CACHD1: variants seen among roughly 807,000 people sequenced by gnomAD.
CACHD1 encodes VWFA and cache domain-containing protein 1.
CACHD1 carries 71 observed loss-of-function variants against 138.7 expected under a neutral mutation model. That is an observed-to-expected ratio of 0.51 (90% CI 0.42 to 0.62). The LOEUF (loss-of-function observed/expected upper bound fraction) is 0.62, where lower values mean the gene tolerates loss of function less well. Ranked by LOEUF, CACHD1 falls within the 20% of genes least tolerant of loss-of-function variation. CACHD1 has a pLI of 0.00. For synonymous variants in CACHD1, 578 were observed against 591.5 expected, an observed-to-expected ratio of 0.98 and a Z score of 0.33; for missense variants, 1,389 against 1,625.3, an observed-to-expected ratio of 0.85 and a Z score of 2.50.
At position 64,597,085 on chromosome 1, in the gene CACHD1, G is replaced by T. The variant is rs1046600205; in HGVS notation, c.411-5721G>T. Among the ~76,000 whole-genome samples, 7 of 152,068 alleles carry T rather than the reference G, an allele frequency of 4.6e-5. No individual in the cohort carries two copies. In the South Asian group the frequency reaches 6.2e-4, roughly 14 times the overall value. ...AGTAAACCCCAACTGGTGTGTGAGT[G>T]GGGGGGTGCTGGAGGGGAGGCGGGG... is the stretch of plus-strand genomic sequence containing the variant. On this transcript the variant is annotated intron_variant, in intron 3 of 26. Coordinates refer to ENST00000651257, the MANE Select transcript of CACHD1 (RefSeq NM_020925.4).
At chr1:64,653,043 A>G (rs1204828187) in intron 10 of CACHD1, among the ~76,000 whole-genome samples, 4 of 152,210 alleles carry the variant, frequency 2.6e-5, no homozygotes, top group Admixed American at 2.6e-4. Context: ...TACATATGGA[A>G]TACTATGCAG....
At chr1:64,541,410 T>C (rs1041402145) in intron 1 of CACHD1, among the ~76,000 whole-genome samples, 1 of 152,224 alleles carries the variant, frequency 6.6e-6, no homozygotes, top group African/African-American at 2.4e-5. Context: ...TTATATATTT[T>C]CAAATGTTTT....
At chr1:64,512,468 C>T (rs1166984029) in intron 1 of CACHD1, among the ~76,000 whole-genome samples, 1 of 149,758 alleles carries the variant, frequency 6.7e-6, no homozygotes, top group Non-Finnish European at 1.5e-5. Flanking sequence ...TTCTGCTCTT[C>T]CCCTTTTAAC....
chr1:64,628,313 A>G (rs1648183902), intron 4 of CACHD1, among the ~76,000 whole-genome samples: 1 of 152,082 alleles, frequency 6.6e-6, no homozygotes, highest in Admixed American at 6.5e-5. Context: ...TTCCATTTCC[A>G]TCTGTATAAG....
chr1:64,583,175 A>C (rs1373785709), intron 3 of CACHD1, among the ~76,000 whole-genome samples: 1 of 152,286 alleles, frequency 6.6e-6, no homozygotes, highest in East Asian at 1.9e-4. Context: ...TCCATAAGCA[A>C]GTTTTTACTT....
Position 64,470,873 on chromosome 1 carries a change from C to T in CACHD1, c.129C>T (p.Asp43=), listed in dbSNP as rs780183706. Reference sequence around the variant, plus strand: ...CCGAAGCCGACTTCTCCATCCTGGACGAGGCGCAAGTGCTGGCGAGCCAGA... The same window carrying T: ...CCGAAGCCGACTTCTCCATCCTGGATGAGGCGCAAGTGCTGGCGAGCCAGA... The part of the protein sequence containing the change: ...AGAEADFSIL[D]EAQVLASQMR... The change falls in exon 1 of 27, where the codon GAC becomes GAT. Residue 43 remains aspartate, a synonymous_variant. Coordinates refer to ENST00000651257, the MANE Select transcript of CACHD1 (RefSeq NM_020925.4). This position sits in a 1 kb window ranked among gnomAD's most constrained non-coding sequence, Gnocchi z 5.2. 16 of 1,605,386 alleles carry T rather than the reference C, an allele frequency of 1.0e-5. No individual in the cohort carries two copies. The highest frequency in any genetic ancestry group is 4.2e-6 in the Non-Finnish European group (5 of 1,178,150).
chr1:64,557,757 C>T (rs1055254463), intron 2 of CACHD1, among the ~76,000 whole-genome samples: 5 of 151,698 alleles, frequency 3.3e-5, no homozygotes, highest in African/African-American at 1.2e-4. Context: ...TCCAGTTCTG[C>T]CATTTTCTTT....
intron 4 of CACHD1, among the ~76,000 whole-genome samples, chr1:64,616,275 C>T (rs1236249959): frequency 6.6e-6 from 1 of 152,142 alleles, no homozygotes; most frequent in East Asian, 1.9e-4. Context: ...CTGGCTCTCC[C>T]TCGTGAAGAG....
At chr1:64,546,231 A>T (rs1305853739) in intron 1 of CACHD1, among the ~76,000 whole-genome samples, 1 of 152,174 alleles carries the variant, frequency 6.6e-6, no homozygotes, top group Non-Finnish European at 1.5e-5. Flanking sequence ...CAGAATGCTC[A>T]CCCTGCCTAC....
chr1:64,541,093 A>G lies in CACHD1; in HGVS notation c.199-9501A>G, dbSNP rs555922264. On this transcript the variant is annotated intron_variant, in intron 1 of 26. Coordinates refer to ENST00000651257, the MANE Select transcript of CACHD1 (RefSeq NM_020925.4). ...GGAAAGACTTGTTAATTGTTGAGAG[A>G]AGGGGAACATTTTTTAGCCTAGGGA... 1.1e-4 allele frequency among the ~76,000 whole-genome samples: 16 copies of G among 152,330 alleles called. No individual in the cohort carries two copies. In the South Asian group the frequency reaches 3.3e-3, roughly 32 times the overall value.
At chr1:64,488,110 A>T (rs575163296) in intron 1 of CACHD1, among the ~76,000 whole-genome samples, 4 of 152,246 alleles carry the variant, frequency 2.6e-5, no homozygotes, top group Admixed American at 2.6e-4. Context: ...GTACTTTTGG[A>T]TGTGGTTTTT....
intron 8 of CACHD1, 66 bp from the exon 9 acceptor site, chr1:64,647,734 TG>T (rs1648955731): frequency 7.3e-7 from 1 of 1,365,988 alleles, no homozygotes; most frequent in Admixed American, 1.8e-5. Context: ...TTGATCTAAA[TG>T]GCAAGAGGTT....
At chr1:64,660,530 T>A (rs900935622) in intron 13 of CACHD1, among the ~76,000 whole-genome samples, 2 of 152,106 alleles carry the variant, frequency 1.3e-5, no homozygotes, top group Non-Finnish European at 1.5e-5. Flanking sequence ...CTTTTTTTTT[T>A]TTATTTATTT....
At position 64,550,638 on chromosome 1, in the gene CACHD1, A is replaced by G; in HGVS notation, c.243A>G (p.Gly81=). ...SFVYTEKISN[G]ESEVQQLAKK... ...TTTACACTGAGAAAATCTCAAATGGAGAAAGTGAAGTACAGCAGGTAAGAG... is the reference window on the plus strand; with the variant it reads ...TTTACACTGAGAAAATCTCAAATGGGGAAAGTGAAGTACAGCAGGTAAGAG... Residue 81 remains glycine, a synonymous_variant, in exon 2 of 27, where the codon GGA becomes GGG. Transcript: ENST00000651257. The G allele has an allele frequency of 6.2e-7, 1 of 1,610,944 alleles. No homozygotes were observed. The highest frequency in any genetic ancestry group is 8.5e-7 in the Non-Finnish European group (1 of 1,177,216).
At chr1:64,595,596 C>T (rs1376589881) in intron 3 of CACHD1, among the ~76,000 whole-genome samples, 2 of 152,078 alleles carry the variant, frequency 1.3e-5, no homozygotes, top group Non-Finnish European at 2.9e-5. Flanking sequence ...CTTCATGTGC[C>T]CCAGTCCAAC....
chr1:64,620,440 G>A (rs779532045), intron 4 of CACHD1, among the ~76,000 whole-genome samples: 24 of 152,132 alleles, frequency 1.6e-4, no homozygotes, highest in Non-Finnish European at 3.4e-4. Context: ...CCCCTCCTAA[G>A]GGGTTCACAG....
At chr1:64,669,693 T>A (rs1012432857) in intron 16 of CACHD1, among the ~76,000 whole-genome samples, 2 of 150,448 alleles carry the variant, frequency 1.3e-5, no homozygotes, top group Admixed American at 1.3e-4. Context: ...TTGGTGTGAT[T>A]TTTTTTTTTC....
At chr1:64,581,124 C>T (rs957466453) in intron 2 of CACHD1, among the ~76,000 whole-genome samples, 2 of 152,100 alleles carry the variant, frequency 1.3e-5, no homozygotes, top group African/African-American at 4.8e-5. Flanking sequence ...GGCTGAGAAC[C>T]TCAGTTATTT....
intron 10 of CACHD1, 75 bp from the exon 11 acceptor site, chr1:64,653,683 C>A: frequency 6.7e-7 from 1 of 1,500,486 alleles, no homozygotes; most frequent in Non-Finnish European, 9.1e-7. Flanking sequence ...CAGAGTACCC[C>A]ATATTTCAAA....
Sources: gnomAD v4.1 joint callset for allele counts (sites outside exome capture counted in the v4.1 genomes callset) on GRCh38, gnomAD v4.1.1 for gene constraint, Gnocchi (gnomAD v3.1) non-coding constraint, MANE v1.5 for transcripts, NCBI Gene and HGNC (gene_info 2026-07-23, HGNC 2026-07-21) for gene names.